FAM83B: variants seen among roughly 807,000 people sequenced by gnomAD.
The protein encoded by FAM83B is protein FAM83B.
A neutral mutation model predicts 38.8 loss-of-function variants in FAM83B; 26 were observed. The observed-to-expected ratio is 0.67, with a 90% CI of 0.49 to 0.93. FAM83B has a LOEUF of 0.93. Ranked by LOEUF, FAM83B falls within the 40% of genes least tolerant of loss-of-function variation. FAM83B has a pLI of 0.00. For missense variants in FAM83B, 1,237 were observed against 1,197.3 expected (o/e 1.03, Z -0.49); for synonymous variants, 419 against 423.1 (o/e 0.99, Z 0.12).
chr6:54,919,855 G>A (rs1773131775), intron 2 of FAM83B, among the ~76,000 whole-genome samples: 2 of 151,832 alleles, frequency 1.3e-5, no homozygotes, highest in Non-Finnish European at 1.5e-5. Flanking sequence ...TTTTGGAACC[G>A]GGTACATGCA....
intron 1 of FAM83B, among the ~76,000 whole-genome samples, chr6:54,869,239 CTTCCT>C (rs1771787484): frequency 6.6e-6 from 1 of 152,242 alleles, no homozygotes; most frequent in South Asian, 2.1e-4. Context: ...CTCAAGGCTC[CTTCCT>C]TAAACCATCT....
intron 1 of FAM83B, among the ~76,000 whole-genome samples, chr6:54,847,342 G>T (rs974451706): frequency 6.6e-6 from 1 of 152,272 alleles, no homozygotes; most frequent in South Asian, 2.1e-4. Context: ...TAGATCCTGA[G>T]TGGGGAGCAG....
At position 54,941,461 on chromosome 6, in the gene FAM83B, A is replaced by G. The variant is rs1331376321; in HGVS notation, c.2490A>G (p.Arg830=). The G allele has an allele frequency of 1.2e-6, 2 of 1,613,342 alleles. No individual in the cohort carries two copies. The highest frequency in any genetic ancestry group is 1.3e-5 in the African/African-American group (1 of 74,846). ...SDTKVDSSPR[R]KHSSSSNSQG... ...CAAAAGTTGATTCATCTCCTAGAAG[A>G]AAGCATTCTTCCTCATCGAATTCTC... is the stretch of plus-strand genomic sequence containing the variant. Residue 830 remains arginine, a synonymous_variant, in exon 5 of 5, where the codon AGA becomes AGG. Coordinates refer to ENST00000306858, the MANE Select transcript of FAM83B (RefSeq NM_001010872.3).
At chr6:54,890,881 T>C (rs950242988) in intron 2 of FAM83B, among the ~76,000 whole-genome samples, 1 of 152,108 alleles carries the variant, frequency 6.6e-6, no homozygotes, top group Non-Finnish European at 1.5e-5. Context: ...GAGTGAATTT[T>C]AAACTTCCTG....
chr6:54,887,020 T>C (rs187923686), intron 2 of FAM83B, among the ~76,000 whole-genome samples: 27 of 152,296 alleles, frequency 1.8e-4, no homozygotes, highest in South Asian at 2.1e-4. Flanking sequence ...CTTTTTGTCG[T>C]TGAATTTTAT....
intron 1 of FAM83B, among the ~76,000 whole-genome samples, chr6:54,853,795 T>C (rs12194667): frequency 0.33 from 50,384 of 152,102 alleles, 9,700 homozygotes; most frequent in Non-Finnish European, 0.44. Context: ...TTTTAAGTTT[T>C]ATTATTTAAA....
chr6:54,913,993 T>C (rs757159361), intron 2 of FAM83B, among the ~76,000 whole-genome samples: 7 of 152,064 alleles, frequency 4.6e-5, no homozygotes, highest in Non-Finnish European at 8.8e-5. Flanking sequence ...ATCCAGTCAG[T>C]GTTGATCTTT....
intron 4 of FAM83B, among the ~76,000 whole-genome samples, chr6:54,929,013 ATG>A (rs1773368498): frequency 6.6e-6 from 1 of 152,154 alleles, no homozygotes; most frequent in African/African-American, 2.4e-5. Context: ...GTTACTATTT[ATG>A]ATAGTAACTG....
chr6:54,855,862 G>T (rs1440708112), intron 1 of FAM83B, among the ~76,000 whole-genome samples: 1 of 152,118 alleles, frequency 6.6e-6, no homozygotes, highest in Non-Finnish European at 1.5e-5. Context: ...TTAAAGAAAT[G>T]AATCATCTTT....
chr6:54,870,310 C>T lies in FAM83B; in HGVS notation c.64C>T (p.Pro22Ser). The T allele has an allele frequency of 1.2e-6, 2 of 1,613,866 alleles. No homozygotes were observed. The highest frequency in any genetic ancestry group is 1.7e-6 in the Non-Finnish European group (2 of 1,179,860). ...DECKSDNYIE[P>S]HYKEWYRVAI... ...GTGTAAATCTGACAACTACATTGAG[C>T]CTCACTACAAGGAATGGTATCGAGT... Residue 22 changes from proline (P) to serine (S), a missense_variant, in exon 2 of 5, where the codon CCT becomes TCT. Coordinates refer to ENST00000306858, the MANE Select transcript of FAM83B (RefSeq NM_001010872.3).
chr6:54,887,310 C>T (rs570537929), intron 2 of FAM83B, among the ~76,000 whole-genome samples: 2 of 152,284 alleles, frequency 1.3e-5, no homozygotes, highest in Admixed American at 1.3e-4. Context: ...GCAAAACTCA[C>T]ATCTGTGGAG....
At chr6:54,855,745 A>C (rs970131029) in intron 1 of FAM83B, among the ~76,000 whole-genome samples, 3 of 152,194 alleles carry the variant, frequency 2.0e-5, no homozygotes, top group Admixed American at 6.5e-5. Context: ...TGGATCCAAA[A>C]TACGATTCAC....
At position 54,846,819 on chromosome 6, in the gene FAM83B, T is replaced by C. The variant is rs1197373338; in HGVS notation, c.-68T>C. On this transcript the variant is annotated 5_prime_UTR_variant, in exon 1 of 5. Transcript: ENST00000306858. Reference sequence around the variant, plus strand: ...GCGGCGGGCGCGGTTGCGCGCGGCTTGGGGCAAGTAAGTGGGGTTTGGGCT... The same window carrying C: ...GCGGCGGGCGCGGTTGCGCGCGGCTCGGGGCAAGTAAGTGGGGTTTGGGCT... The C allele has an allele frequency of 6.6e-6, 1 of 152,022 alleles. No individual in the cohort carries two copies. The highest frequency in any genetic ancestry group is 1.5e-5 in the Non-Finnish European group (1 of 68,110). The allele number at this position is 152,022 out of a possible 1,614,324, so 9.4% of individuals were successfully genotyped here.
intron 2 of FAM83B, 70 bp downstream of exon 2, chr6:54,870,760 A>C: frequency 7.4e-7 from 1 of 1,347,492 alleles, no homozygotes; most frequent in Non-Finnish European, 1.0e-6. Context: ...AATAACACAA[A>C]TATGTATGTT....
chr6:54,851,079 T>G (rs1771266511), intron 1 of FAM83B, among the ~76,000 whole-genome samples: 1 of 151,962 alleles, frequency 6.6e-6, no homozygotes, highest in Non-Finnish European at 1.5e-5. Context: ...ACTTATTTGT[T>G]TAAAGATGAG....
At chr6:54,853,445 G>A (rs1771361085) in intron 1 of FAM83B, among the ~76,000 whole-genome samples, 1 of 151,992 alleles carries the variant, frequency 6.6e-6, no homozygotes, top group Non-Finnish European at 1.5e-5. Context: ...ACTTTTTAGG[G>A]GTTAATACAG....
chr6:54,941,069 AAAG>A lies in FAM83B; in HGVS notation c.2103_2105del (p.Glu701del), dbSNP rs1454965552. The A allele has an allele frequency of 2.5e-6, 4 of 1,613,402 alleles. No homozygotes were observed. The highest frequency in any genetic ancestry group is 3.4e-6 in the Non-Finnish European group (4 of 1,179,886). The stretch of plus-strand genomic sequence containing the variant: ...TCGAGTTAGACAACCAGAAAAGCCC[AAAG>A]AAGATTTGCTGAAAAGTTCTAAAAG... On this transcript the variant is annotated inframe_deletion, in exon 5 of 5. Transcript: ENST00000306858.
chr6:54,941,966 T>C lies in FAM83B; in HGVS notation c.2995T>C (p.Phe999Leu). Residue 999 changes from phenylalanine to leucine, a missense_variant, in exon 5 of 5, where the codon TTT (phenylalanine) becomes CTT (leucine). Transcript: ENST00000306858. ...YQPNENKFRG[F>L]MQKFGNFIHK... ...ACCCAATGAGAACAAGTTTCGAGGA[T>C]TTATGCAAAAGTTTGGAAACTTTAT... is the stretch of plus-strand genomic sequence containing the variant. 1.2e-6 allele frequency: 2 copies of C among 1,606,850 alleles called. No homozygotes were observed. Among genetic ancestry groups the C allele is most frequent in the Non-Finnish European group, 1.7e-6 (2 of 1,177,458 alleles).
In FAM83B at chr6:54,940,769, C is replaced by T. The variant is rs1773661623; in HGVS notation, c.1798C>T (p.Pro600Ser). 6.2e-7 allele frequency: 1 copy of T among 1,613,968 alleles called. No individual in the cohort carries two copies. The highest frequency in any genetic ancestry group is 8.5e-7 in the Non-Finnish European group (1 of 1,179,996). The change falls in exon 5 of 5, where the codon CCC becomes TCC. Residue 600 changes from proline (P) to serine (S), a missense_variant. By Grantham distance (74) the Pro-to-Ser change is moderately conservative. Coordinates refer to ENST00000306858, the MANE Select transcript of FAM83B (RefSeq NM_001010872.3). ...AGACAAACCCTTGCCAGAATCAATC[C>T]CCAAGCTCCCATTGCAGTCAGAGGC... ...LTDKPLPESI[P>S]KLPLQSEAPK...
Sources: gnomAD v4.1 joint callset for allele counts (sites outside exome capture counted in the v4.1 genomes callset) on GRCh38, gnomAD v4.1.1 for gene constraint, MANE v1.5 for transcripts, NCBI Gene and HGNC (gene_info 2026-07-23, HGNC 2026-07-21) for gene names.